LHFPL3: variants seen among roughly 807,000 people sequenced by gnomAD.
LHFPL3 encodes LHFPL tetraspan subfamily member 3 protein.
A neutral mutation model predicts 19.3 loss-of-function variants in LHFPL3; 5 were observed. That is an observed-to-expected ratio of 0.26 (90% CI 0.14 to 0.54). The LOEUF (loss-of-function observed/expected upper bound fraction) is 0.54, where lower values mean the gene tolerates loss of function less well. Among genes scored for constraint, LHFPL3 ranks in the 20% least tolerant of loss-of-function variants. The probability of loss-of-function intolerance (pLI) is 0.94; values close to 1 mark genes in which losing one functional copy is unlikely to be tolerated. For missense variants in LHFPL3, 249 were observed against 307.4 expected (o/e 0.81, Z 1.42); for synonymous variants, 133 against 126.2 (o/e 1.05, Z -0.36).
Position 104,739,807 on chromosome 7 carries a change from T to C in LHFPL3, c.682+2896T>C, listed in dbSNP as rs375155651. Among the ~76,000 whole-genome samples, 3 of 152,354 alleles carry C rather than the reference T, an allele frequency of 2.0e-5. No homozygotes were observed. In the East Asian group the frequency reaches 5.8e-4, roughly 29 times the overall value. On this transcript the variant is annotated intron_variant, in intron 2 of 2. Coordinates refer to ENST00000424859, the MANE Select transcript of LHFPL3 (RefSeq NM_199000.3). ...AGAAGGCAATGTCATATCTCAAGAC[T>C]TGGCTCAACAGAGCAAAGTATTCAT...
At chr7:104,358,245 A>G (rs1444514046) in intron 1 of LHFPL3, among the ~76,000 whole-genome samples, 1 of 152,204 alleles carries the variant, frequency 6.6e-6, no homozygotes, top group Non-Finnish European at 1.5e-5. Context: ...GCCGTACAAT[A>G]TTGTGAATGC....
intron 1 of LHFPL3, among the ~76,000 whole-genome samples, chr7:104,581,011 G>T (rs1790450219): frequency 6.6e-6 from 1 of 151,782 alleles, no homozygotes; most frequent in Admixed American, 6.6e-5. Flanking sequence ...TCTTTTTGTG[G>T]ATTTGTTCCA....
At chr7:104,428,363 G>C (rs1791888152) in intron 1 of LHFPL3, among the ~76,000 whole-genome samples, 1 of 152,144 alleles carries the variant, frequency 6.6e-6, no homozygotes, top group Admixed American at 6.5e-5. Flanking sequence ...TTTTCTTGCA[G>C]TTAATGTCCT....
intron 2 of LHFPL3, among the ~76,000 whole-genome samples, chr7:104,859,072 G>A (rs928809170): frequency 4.0e-5 from 6 of 151,872 alleles, no homozygotes; most frequent in African/African-American, 1.2e-4. Context: ...AGACCAGCCT[G>A]GCCAACATGG....
rs538827510 is a variant in LHFPL3 at position 104,835,862 on chromosome 7, T to TGTCA, written c.683-70324_683-70321dup. ...TGGTGGTTTGCTGCACTTATGAACC[T>TGTCA]GTCACCAAGGTTTTAAGCCCCGCAT... On this transcript the variant is annotated intron_variant, in intron 2 of 2. Transcript: ENST00000424859. Among the ~76,000 whole-genome samples, 314 of 152,118 alleles carry TGTCA rather than the reference T, an allele frequency of 2.1e-3. 7 individuals are homozygous for TGTCA. The highest frequency in any genetic ancestry group is 6.9e-3 in the African/African-American group (284 of 41,372).
chr7:104,608,327 A>T (rs1049501965), intron 1 of LHFPL3, among the ~76,000 whole-genome samples: 10 of 151,952 alleles, frequency 6.6e-5, no homozygotes, highest in African/African-American at 9.7e-5. Flanking sequence ...TAAAAAATGA[A>T]GAGTTCATGT....
chr7:104,586,285 A>G (rs1790574982), intron 1 of LHFPL3, among the ~76,000 whole-genome samples: 1 of 152,106 alleles, frequency 6.6e-6, no homozygotes. Context: ...TGGAAATGAT[A>G]GGACATTATT....
At chr7:104,778,555 T>A (rs1173630467) in intron 2 of LHFPL3, among the ~76,000 whole-genome samples, 1 of 152,216 alleles carries the variant, frequency 6.6e-6, no homozygotes, top group East Asian at 1.9e-4. Context: ...CCAGCAACCA[T>A]GTGTACCTGC....
intron 1 of LHFPL3, among the ~76,000 whole-genome samples, chr7:104,490,282 T>C (rs1415998793): frequency 2.0e-5 from 3 of 152,214 alleles, no homozygotes; most frequent in Admixed American, 2.0e-4. Flanking sequence ...CATTTCCTTA[T>C]CCTTTTGGGT....
chr7:104,332,145 G>A (rs1801577369), intron 1 of LHFPL3, among the ~76,000 whole-genome samples: 1 of 148,334 alleles, frequency 6.7e-6, no homozygotes, highest in Non-Finnish European at 1.5e-5. Context: ...ATTCGCTTGT[G>A]TATTTAGTTA....
chr7:104,568,163 T>C (rs1047336089), intron 1 of LHFPL3, among the ~76,000 whole-genome samples: 3 of 152,186 alleles, frequency 2.0e-5, no homozygotes, highest in African/African-American at 7.2e-5. Context: ...TACCTGAGAA[T>C]CACCTGGGGA....
At chr7:104,388,676 G>A (rs769798267) in intron 1 of LHFPL3, among the ~76,000 whole-genome samples, 7 of 152,080 alleles carry the variant, frequency 4.6e-5, no homozygotes, top group Non-Finnish European at 1.0e-4. Context: ...CATGTAAAAT[G>A]AATTATAATC....
intron 2 of LHFPL3, among the ~76,000 whole-genome samples, chr7:104,890,240 C>T (rs1792218363): frequency 6.6e-6 from 1 of 152,154 alleles, no homozygotes; most frequent in African/African-American, 2.4e-5. Flanking sequence ...GATTTTAAGG[C>T]TGCAGTGAAC....
intron 2 of LHFPL3, among the ~76,000 whole-genome samples, chr7:104,880,673 A>G (rs1334437563): frequency 6.7e-6 from 1 of 149,098 alleles, no homozygotes; most frequent in East Asian, 1.9e-4. Context: ...ACTGCTGAGA[A>G]AAAAAAAAAA....
At chr7:104,800,125 C>G (rs1385909111) in intron 2 of LHFPL3, 1 of 152,334 alleles carries the variant, frequency 6.6e-6, no homozygotes, top group Non-Finnish European at 1.5e-5. Flanking sequence ...GTCCCTAAAC[C>G]AAAGATGTCC....
At chr7:104,703,462 T>A (rs7789680) in intron 1 of LHFPL3, among the ~76,000 whole-genome samples, 77 of 152,336 alleles carry the variant, frequency 5.1e-4, no homozygotes, top group African/African-American at 1.8e-3. Context: ...GAGCACAAAG[T>A]TTTGTGGTTT....
chr7:104,791,388 G>A (rs556178364), intron 2 of LHFPL3, among the ~76,000 whole-genome samples: 28 of 152,302 alleles, frequency 1.8e-4, no homozygotes, highest in African/African-American at 5.8e-4. Flanking sequence ...AGGATTCCTG[G>A]CAGCCTTACA....
chr7:104,466,691 A>G (rs115181485), intron 1 of LHFPL3, among the ~76,000 whole-genome samples: 1,868 of 152,348 alleles, frequency 0.012, 39 homozygotes, highest in African/African-American at 0.042. Flanking sequence ...GACTTTACAG[A>G]TAAGTAGAAC....
chr7:104,500,587 T>A (rs1380223869), intron 1 of LHFPL3, among the ~76,000 whole-genome samples: 1 of 152,200 alleles, frequency 6.6e-6, no homozygotes, highest in African/African-American at 2.4e-5. Context: ...TCCCAGTTAC[T>A]CTTGGCTACT....
Sources: gnomAD v4.1 joint callset for allele counts (sites outside exome capture counted in the v4.1 genomes callset) on GRCh38, gnomAD v4.1.1 for gene constraint, MANE v1.5 for transcripts, NCBI Gene and HGNC (gene_info 2026-07-23, HGNC 2026-07-21) for gene names.